MYCBP2: variants seen among roughly 807,000 people sequenced by gnomAD.
The protein encoded by MYCBP2 is MYC binding protein 2, also known as E3 ubiquitin-protein ligase MYCBP2.
A neutral mutation model predicts 525.3 loss-of-function variants in MYCBP2; 120 were observed. That is an observed-to-expected ratio of 0.23 (90% CI 0.20 to 0.27). The LOEUF (loss-of-function observed/expected upper bound fraction) is 0.27. Among genes scored for constraint, MYCBP2 ranks in the 10% least tolerant of loss-of-function variants. The pLI is 1.00. For synonymous variants in MYCBP2, 1,894 were observed against 1,955.8 expected (o/e 0.97, Z 0.83); for missense variants, 4,149 against 5,657.1 (o/e 0.73, Z 8.55).
chr13:77,155,776 T>G (rs1212356759), intron 46 of MYCBP2, among the ~76,000 whole-genome samples: 2 of 152,226 alleles, frequency 1.3e-5, no homozygotes, highest in Admixed American at 6.5e-5. Context: ...GGGGCTTCAC[T>G]GTATGTGTCT....
Position 77,112,217 on chromosome 13 carries a change from T to C in MYCBP2, c.8140+9156A>G, listed in dbSNP as rs559305259. 1.9e-4 allele frequency among the ~76,000 whole-genome samples: 29 copies of C among 151,100 alleles called. 1 individual carries two copies. The South Asian group carries it at 6.0e-3, about 31-fold the overall frequency. ...CATACTTCTTTCTTGCTTGTTATGA[T>C]GGATAACTATTTATGATCCCACTTA... On this transcript the variant is annotated intron_variant, in intron 55 of 82. Coordinates refer to ENST00000544440, the MANE Select transcript of MYCBP2 (RefSeq NM_015057.5).
At chr13:77,267,419 T>A (rs61964712) in intron 8 of MYCBP2, among the ~76,000 whole-genome samples, 80,229 of 146,890 alleles carry the variant, frequency 0.55, 25,317 homozygotes, top group Non-Finnish European at 0.71. Flanking sequence ...AAAATTAAAT[T>A]AAATTAAATA....
intron 33 of MYCBP2, among the ~76,000 whole-genome samples, chr13:77,181,252 T>C (rs932925178): frequency 5.3e-5 from 8 of 152,176 alleles, no homozygotes; most frequent in Admixed American, 2.6e-4. Context: ...TGTGAATGTT[T>C]CCTATACCTA....
At chr13:77,196,388 G>T (rs958643884) in intron 26 of MYCBP2, among the ~76,000 whole-genome samples, 1 of 152,104 alleles carries the variant, frequency 6.6e-6, no homozygotes, top group African/African-American at 2.4e-5. Flanking sequence ...GCAATCTGTT[G>T]TACATTTTAA....
chr13:77,071,728 A>C (rs2041326010), intron 68 of MYCBP2, among the ~76,000 whole-genome samples: 1 of 152,180 alleles, frequency 6.6e-6, no homozygotes, highest in South Asian at 2.1e-4. Context: ...AACTTGAACT[A>C]ACTGATATTT....
At chr13:77,209,996 C>T (rs2063782785) in intron 23 of MYCBP2, among the ~76,000 whole-genome samples, 1 of 152,090 alleles carries the variant, frequency 6.6e-6, no homozygotes, top group Admixed American at 6.5e-5. Flanking sequence ...GAGAAAAAGT[C>T]TCCTCACTCA....
At position 77,147,402 on chromosome 13, in the gene MYCBP2, A is replaced by T. The variant is rs766213629; in HGVS notation, c.7132-1185T>A. Among the ~76,000 whole-genome samples the T allele has an allele frequency of 2.0e-5, 3 of 152,136 alleles. No individual in the cohort carries two copies. The South Asian group carries it at 6.2e-4, about 31-fold the overall frequency. On this transcript the variant is annotated intron_variant, in intron 47 of 82. Coordinates refer to ENST00000544440, the MANE Select transcript of MYCBP2 (RefSeq NM_015057.5). ...AAAGACAAAAATGGGCTGTAGGTAC[A>T]TGAAACTTGGCACATTATTCTGAAT...
At chr13:77,257,911 G>T in intron 13 of MYCBP2, 82 bp from the exon 14 acceptor site, 1 of 1,124,234 alleles carries the variant, frequency 8.9e-7, no homozygotes. Context: ...ATGCAGAACC[G>T]TTTATTTCTG....
chr13:77,103,326 T>A (rs765343587), intron 55 of MYCBP2: 1 of 397,230 alleles, frequency 2.5e-6, no homozygotes, highest in South Asian at 1.3e-4. Context: ...GTGGAAAACA[T>A]TGGCAAAGAA....
At chr13:77,125,573 T>C (rs551049190) in intron 53 of MYCBP2, 105 bp from the exon 54 acceptor site, 10 of 1,195,044 alleles carry the variant, frequency 8.4e-6, no homozygotes, top group Non-Finnish European at 1.0e-5. Flanking sequence ...ATCATTCCAA[T>C]ACATTTCTAC....
Position 77,078,817 on chromosome 13 carries a change from C to A in MYCBP2, c.11484+7G>T, listed in dbSNP as rs1304676732. The A allele has an allele frequency of 6.2e-7, 1 of 1,612,580 alleles. No individual in the cohort carries two copies. On this transcript the variant is annotated splice_region_variant and intron_variant, in intron 66 of 82. Transcript: ENST00000544440. ...AGCGAAACATTTAATGACAAAATTT[C>A]AATTACCTGCTTTATTCTGCACAAA... is the stretch of plus-strand genomic sequence containing the variant.
intron 26 of MYCBP2, among the ~76,000 whole-genome samples, chr13:77,194,774 G>C (rs1485213748): frequency 6.6e-6 from 1 of 151,880 alleles, no homozygotes; most frequent in Non-Finnish European, 1.5e-5. Context: ...AATAAAAAAG[G>C]GTAGAGAAAT....
intron 49 of MYCBP2, among the ~76,000 whole-genome samples, chr13:77,141,212 T>C (rs1292874089): frequency 6.6e-6 from 1 of 151,546 alleles, no homozygotes; most frequent in Non-Finnish European, 1.5e-5. Flanking sequence ...ACAGAAAAAA[T>C]GGAAAATAAT....
At chr13:77,116,296 G>C (rs2049748089) in intron 55 of MYCBP2, among the ~76,000 whole-genome samples, 1 of 151,894 alleles carries the variant, frequency 6.6e-6, no homozygotes, top group Non-Finnish European at 1.5e-5. Flanking sequence ...ATAGCATAGG[G>C]AAGTTCACTA....
At chr13:77,135,965 A>G (rs548568247) in intron 52 of MYCBP2, among the ~76,000 whole-genome samples, 10 of 151,786 alleles carry the variant, frequency 6.6e-5, no homozygotes, top group Non-Finnish European at 1.3e-4. Flanking sequence ...CCTCCTGAGT[A>G]GCTGGGACTA....
At chr13:77,280,407 T>G (rs1330998875) in intron 3 of MYCBP2, among the ~76,000 whole-genome samples, 1 of 152,224 alleles carries the variant, frequency 6.6e-6, no homozygotes, top group Non-Finnish European at 1.5e-5. Context: ...CATCTGCTTA[T>G]GTACTTACAG....
At chr13:77,183,662 G>A (rs576582917) in intron 32 of MYCBP2, among the ~76,000 whole-genome samples, 66 of 135,228 alleles carry the variant, frequency 4.9e-4, no homozygotes, top group African/African-American at 1.1e-3. Flanking sequence ...AGCAATTCTC[G>A]TGCCTCAGCC....
At chr13:77,294,116 A>ATATATATG (rs1594734703) in intron 2 of MYCBP2, among the ~76,000 whole-genome samples, 1 of 57,464 alleles carries the variant, frequency 1.7e-5, no homozygotes, top group East Asian at 5.1e-4. Flanking sequence ...ATATATATAT[A>ATATATATG]TATATATATA....
At chr13:77,064,310 A>G (rs2039849513) in intron 73 of MYCBP2, among the ~76,000 whole-genome samples, 1 of 152,242 alleles carries the variant, frequency 6.6e-6, no homozygotes, top group Non-Finnish European at 1.5e-5. Flanking sequence ...GTGGTAAACT[A>G]CAGCAAACAG....
Sources: allele counts gnomAD v4.1 joint callset (sites outside exome capture counted in the v4.1 genomes callset), GRCh38; gene constraint gnomAD v4.1.1; transcripts MANE v1.5; gene names NCBI Gene and HGNC (gene_info 2026-07-23, HGNC 2026-07-21).